FAT3: variants seen among roughly 807,000 people sequenced by gnomAD.
FAT3 encodes the protein protocadherin Fat 3.
A neutral mutation model predicts 310.2 loss-of-function variants in FAT3; 95 were observed. The ratio of observed to expected loss-of-function variants is 0.31; its 90% confidence interval spans 0.26 to 0.36. The LOEUF (loss-of-function observed/expected upper bound fraction) is 0.36. Ranked by LOEUF, FAT3 falls within the 10% of genes least tolerant of loss-of-function variation. The probability of loss-of-function intolerance (pLI) is 1.00; values close to 1 mark genes in which losing one functional copy is unlikely to be tolerated. For missense variants in FAT3, 5,408 were observed against 5,715.6 expected (o/e 0.95, Z 1.74); for synonymous variants, 2,314 against 2,192.9 (o/e 1.06, Z -1.54).
intron 7 of FAT3, among the ~76,000 whole-genome samples, chr11:92,786,325 A>C (rs189408380): frequency 1.1e-3 from 165 of 152,118 alleles, no homozygotes; most frequent in African/African-American, 3.6e-3. Flanking sequence ...GCAAAAAAAA[A>C]CACCATAAGC....
rs1359480385 is a variant in FAT3, at chr11:92,890,594, G to A, written c.13251G>A (p.Gly4417=). ...AGGATGGAGGGTCTGCACACCAGGG[G>A]AGCACACGGGAGCTGGAGAGCGATT... ...ENQDGGSAHQ[G]STRELESDYY... The change falls in exon 28 of 28, where the codon GGG becomes GGA. Residue 4417 remains glycine (G), a synonymous_variant. Coordinates refer to ENST00000525166, the MANE Select transcript of FAT3 (RefSeq NM_001367949.2). 1 of 1,613,680 alleles carries A rather than the reference G, an allele frequency of 6.2e-7. No homozygotes were observed. Among genetic ancestry groups the A allele is most frequent in the Non-Finnish European group, 8.5e-7 (1 of 1,179,846 alleles).
rs1177321769 is a variant in FAT3 at position 92,891,096 on chromosome 11, C to T, written c.13753C>T (p.His4585Tyr). The change falls in exon 28 of 28, where the codon CAT becomes TAT. Residue 4585 changes from histidine to tyrosine, a missense_variant. Physicochemically the swap from His to Tyr is moderately conservative, Grantham distance 83. Around this residue, in one of 5 missense-constraint regions of FAT3, gnomAD observed 649 missense variants for 666.2 expected, o/e 0.97. Transcript: ENST00000525166. ...TCACATTCCCTTTGTGGAGACTCAG[C>T]ATCAGACTCAAGTGTAGACATCACA... ...SLHIPFVETQ[H>Y]QTQV The T allele has an allele frequency of 2.5e-6, 4 of 1,613,618 alleles. No individual in the cohort carries two copies. The highest frequency in any genetic ancestry group is 3.4e-6 in the Non-Finnish European group (4 of 1,179,794).
chr11:92,721,736 A>G (rs754640559), intron 4 of FAT3, among the ~76,000 whole-genome samples: 3 of 152,196 alleles, frequency 2.0e-5, no homozygotes, highest in Non-Finnish European at 2.9e-5. Flanking sequence ...TACAAAAGAA[A>G]GAGATTTACT....
chr11:92,550,249 A>G (rs959584290), intron 3 of FAT3, among the ~76,000 whole-genome samples: 19 of 152,262 alleles, frequency 1.2e-4, no homozygotes, highest in African/African-American at 3.6e-4. Flanking sequence ...TTTCACATAT[A>G]TGAGCATTGT....
rs372969817 is a variant in FAT3 at position 92,820,393 on chromosome 11, T to C, written c.9481+10317T>C. On this transcript the variant is annotated intron_variant, in intron 13 of 27. Coordinates refer to ENST00000525166, the MANE Select transcript of FAT3 (RefSeq NM_001367949.2). ...TTAGGACCCCACCCTTAAGACCTCA[T>C]TTAACATTAATTGCCTCCTAAAAGC... Among the ~76,000 whole-genome samples the C allele has an allele frequency of 9.1e-4, 138 of 152,276 alleles. 1 individual carries two copies. In the South Asian group the frequency reaches 0.027, roughly 30 times the overall value.
chr11:92,633,593 A>G (rs1167001814), intron 3 of FAT3, among the ~76,000 whole-genome samples: 1 of 152,170 alleles, frequency 6.6e-6, no homozygotes, highest in Non-Finnish European at 1.5e-5. Flanking sequence ...CAAATTTTTT[A>G]GCATATGGAT....
chr11:92,789,993 G>A lies in FAT3; in HGVS notation c.4386G>A (p.Gln1462=). ...DNNDNGPEFS[Q]PNYDVTISED... ...ATGATAATGGCCCAGAATTCTCTCA[G>A]CCGAATTACGATGTGACAATTTCCG... Residue 1462 remains glutamine, a synonymous_variant, in exon 8 of 28, where the codon CAG becomes CAA. Coordinates refer to ENST00000525166, the MANE Select transcript of FAT3 (RefSeq NM_001367949.2). 6.2e-7 allele frequency: 1 copy of A among 1,613,772 alleles called. No homozygotes were observed. The highest frequency in any genetic ancestry group is 8.5e-7 in the Non-Finnish European group (1 of 1,179,726).
At chr11:92,567,201 A>AAT (rs35587330) in intron 3 of FAT3, among the ~76,000 whole-genome samples, 1 of 117,440 alleles carries the variant, frequency 8.5e-6, no homozygotes, top group Admixed American at 8.6e-5. Context: ...GAAAAAAACA[A>AAT]AACCCCATCA....
At chr11:92,491,778 A>T (rs545555290) in intron 2 of FAT3, among the ~76,000 whole-genome samples, 5 of 152,206 alleles carry the variant, frequency 3.3e-5, no homozygotes, top group Middle Eastern at 3.4e-3. Context: ...CATTGTCACC[A>T]GTTCTTAAGA....
intron 2 of FAT3, among the ~76,000 whole-genome samples, chr11:92,390,020 T>G (rs1949713255): frequency 6.6e-6 from 1 of 151,178 alleles, no homozygotes. Context: ...AAAAGCCTGT[T>G]TTTTTTTTAA....
intron 2 of FAT3, among the ~76,000 whole-genome samples, chr11:92,376,000 T>C (rs1949332667): frequency 6.6e-6 from 1 of 152,236 alleles, no homozygotes; most frequent in South Asian, 2.1e-4. Context: ...GCAATTATTA[T>C]GTTGTTTTTG....
chr11:92,884,174 C>T (rs1489342408), intron 24 of FAT3, among the ~76,000 whole-genome samples: 1 of 152,186 alleles, frequency 6.6e-6, no homozygotes, highest in Non-Finnish European at 1.5e-5. Flanking sequence ...TGTAGAAGAA[C>T]ACAGAGGAGG....
chr11:92,820,516 G>A (rs990586352), intron 13 of FAT3, among the ~76,000 whole-genome samples: 1 of 152,076 alleles, frequency 6.6e-6, no homozygotes, highest in Non-Finnish European at 1.5e-5. Context: ...ACTGTCTGTG[G>A]GATCACTTGC....
intron 2 of FAT3, among the ~76,000 whole-genome samples, chr11:92,494,399 G>C (rs1339119592): frequency 6.6e-6 from 1 of 151,970 alleles, no homozygotes; most frequent in Non-Finnish European, 1.5e-5. Context: ...TGGAATGGAG[G>C]ATGTACATAC....
chr11:92,790,436 A>G (rs1947011344), intron 8 of FAT3, among the ~76,000 whole-genome samples: 1 of 152,206 alleles, frequency 6.6e-6, no homozygotes, highest in Non-Finnish European at 1.5e-5. Flanking sequence ...AATATTAGAT[A>G]AGTTCTGCAG....
rs906382709 is a variant in FAT3 at position 92,891,969 on chromosome 11, G to A, written c.*856G>A. 2 of 152,080 alleles carry A rather than the reference G, an allele frequency of 1.3e-5. No individual in the cohort carries two copies. The highest frequency in any genetic ancestry group is 2.9e-5 in the Non-Finnish European group (2 of 68,036). 9.4% of individuals were successfully genotyped at this position (152,080 alleles called of 1,614,324 possible). On this transcript the variant is annotated 3_prime_UTR_variant, in exon 28 of 28. Coordinates refer to ENST00000525166, the MANE Select transcript of FAT3 (RefSeq NM_001367949.2). ...TGTTCATATAGCTTCTCTACAATTA[G>A]ATATTTTTAGAAGTTTAAGCAAAAC...
intron 21 of FAT3, among the ~76,000 whole-genome samples, chr11:92,864,071 C>A (rs1041891224): frequency 6.6e-6 from 1 of 152,116 alleles, no homozygotes; most frequent in Non-Finnish European, 1.5e-5. Context: ...CAAGCTTAAC[C>A]GTGCCGTGTT....
At position 92,799,560 on chromosome 11, in the gene FAT3, A is replaced by G. The variant is rs1947273084; in HGVS notation, c.6547A>G (p.Met2183Val). Residue 2183 changes from methionine to valine, a missense_variant, in exon 10 of 28, where the codon ATG (methionine) becomes GTG (valine). This residue lies in a region of FAT3 where 4,588 missense variants were observed against 4,809.8 expected (regional missense o/e 0.95). Coordinates refer to ENST00000525166, the MANE Select transcript of FAT3 (RefSeq NM_001367949.2). ...TCCCATCACTATTGTCAACAAAGCA[A>G]TGCCTGTGTTTGATAAGCCCTTTTA... ...ELPITIVNKA[M>V]PVFDKPFYTA... The G allele has an allele frequency of 4.3e-6, 7 of 1,613,682 alleles. No homozygotes were observed. Among genetic ancestry groups the G allele is most frequent in the Non-Finnish European group, 5.9e-6 (7 of 1,179,862 alleles).
At chr11:92,336,022 C>G in intron 1 of FAT3, 1 of 484,262 alleles carries the variant, frequency 2.1e-6, no homozygotes, top group Non-Finnish European at 4.1e-6. Flanking sequence ...GAGCTCCACT[C>G]AGCAACTGGT....
Sources: gnomAD v4.1 joint callset for allele counts (sites outside exome capture counted in the v4.1 genomes callset) on GRCh38, gnomAD v4.1.1 for gene constraint, gnomAD v4.1.1 regional missense constraint, MANE v1.5 for transcripts, NCBI Gene and HGNC (gene_info 2026-07-23, HGNC 2026-07-21) for gene names.